Variants in TJAP1 observed in about 807,000 individuals in gnomAD.
The protein encoded by TJAP1 is tight junction associated protein 1, also known as tight junction-associated protein 1.
Under a neutral mutation model 42.0 loss-of-function variants are expected in TJAP1, and 27 were observed. The observed-to-expected ratio is 0.64, with a 90% CI of 0.47 to 0.89. The LOEUF is 0.89. Among genes scored for constraint, TJAP1 ranks in the 40% least tolerant of loss-of-function variants. The pLI is 0.00. For synonymous variants in TJAP1, 257 were observed against 288.4 expected (o/e 0.89, Z 1.10); for missense variants, 712 against 726.9 (o/e 0.98, Z 0.24).
In TJAP1 at chr6:43,497,099, A is replaced by G. The variant is rs1204326937; in HGVS notation, c.-121-782A>G. On this transcript the variant is annotated intron_variant, in intron 2 of 10. Coordinates refer to ENST00000372449, the Ensembl canonical transcript of TJAP1. Reference sequence around the variant, plus strand: ...GTTCCTCAGCCTTGGCACTCTGGATATTTTCTATTGGGAATCATTTGTGGT... The same window carrying G: ...GTTCCTCAGCCTTGGCACTCTGGATGTTTTCTATTGGGAATCATTTGTGGT... 2.6e-5 allele frequency: 4 copies of G among 152,194 alleles called. No individual in the cohort carries two copies. In the South Asian group the frequency reaches 6.2e-4, roughly 24 times the overall value. 9.4% of individuals were successfully genotyped at this position (152,194 alleles called of 1,614,324 possible).
At chr6:43,483,610 G>A (rs1255175027) in intron 2 of TJAP1, among the ~76,000 whole-genome samples, 1 of 152,230 alleles carries the variant, frequency 6.6e-6, no homozygotes, top group African/African-American at 2.4e-5. Context: ...AACATGTGGT[G>A]GAGAGGAGTC....
chr6:43,503,748 C>A, intron 10 of TJAP1, 42 bp downstream of exon 10: 1 of 1,566,790 alleles, frequency 6.4e-7, no homozygotes, highest in Non-Finnish European at 8.8e-7. Flanking sequence ...TAGACCATTC[C>A]GGCCACTGTA....
intron 2 of TJAP1, chr6:43,489,598 T>G (rs917198096): frequency 1.3e-5 from 2 of 152,350 alleles, no homozygotes; most frequent in Non-Finnish European, 2.9e-5. Flanking sequence ...TTCAGAGTCC[T>G]GGTGCAGCCT....
chr6:43,487,323 T>C (rs1235835147), intron 2 of TJAP1, among the ~76,000 whole-genome samples: 2 of 152,192 alleles, frequency 1.3e-5, no homozygotes. Flanking sequence ...AAACTCTGCT[T>C]ATCATTTTGG....
intron 3 of TJAP1, among the ~76,000 whole-genome samples, chr6:43,498,555 AG>A (rs1286805122): frequency 6.6e-6 from 1 of 152,258 alleles, no homozygotes; most frequent in Non-Finnish European, 1.5e-5. Context: ...GTCTCAAAAA[AG>A]AAAAGAAAAA....
Position 43,501,704 on chromosome 6 carries a change from C to CCAGA in TJAP1, c.290+20_290+23dup, listed in dbSNP as rs763666886. 6.2e-4 allele frequency: 395 copies of CCAGA among 639,098 alleles called. 1 individual carries two copies. The African/African-American group carries it at 8.7e-3, about 14-fold the overall frequency. 39.6% of individuals were successfully genotyped at this position (639,098 alleles called of 1,614,324 possible). A position where few individuals can be genotyped will look rare whatever the true frequency, so the allele number is the denominator to read the frequency against. ...GTTCCGCAGGTGTGGGAATGAGGGG[C>CCAGA]CAGACACACACACACACACACACAC... On this transcript the variant is annotated intron_variant, in intron 6 of 10. Coordinates refer to ENST00000372449, the Ensembl canonical transcript of TJAP1.
Position 43,505,614 on chromosome 6 carries a change from G to A in TJAP1, c.1433G>A (p.Gly478Asp), listed in dbSNP as rs757520226. 2 of 1,613,452 alleles carry A rather than the reference G, an allele frequency of 1.2e-6. No homozygotes were observed. Among genetic ancestry groups the A allele is most frequent in the South Asian group, 1.1e-5 (1 of 91,082 alleles). The change falls in exon 11 of 11, where the codon GGC (glycine) becomes GAC (aspartate). Residue 478 changes from glycine (G) to aspartate (D), a missense_variant. Transcript: ENST00000372449. The surrounding 1 kb of genome is among the most constrained non-coding windows in gnomAD (Gnocchi z 5.5). ...TTGCTACCCACAGAACCTGACTCTG[G>A]CTTTCCCAGGGAGGAAGAAGAGCTG...
At position 43,501,707 on chromosome 6, in the gene TJAP1, G is replaced by GACACACACACACACACACACACAC. The variant is rs70990192; in HGVS notation, c.290+49_290+72dup. The GACACACACACACACACACACACAC allele has an allele frequency of 7.0e-6, 4 of 571,812 alleles. No homozygotes were observed. The highest frequency in any genetic ancestry group is 1.8e-5 in the South Asian group (1 of 55,446). 35.4% of individuals were successfully genotyped at this position (571,812 alleles called of 1,614,324 possible). ...CCGCAGGTGTGGGAATGAGGGGCCAGACACACACACACACACACACACACA... is the reference window on the plus strand; with the variant it reads ...CCGCAGGTGTGGGAATGAGGGGCCAGACACACACACACACACACACACACACACACACACACACACACACACACA... On this transcript the variant is annotated intron_variant, in intron 6 of 10. Transcript: ENST00000372449.
intron 5 of TJAP1, chr6:43,500,975 A>G (rs1435963721): frequency 6.5e-6 from 4 of 614,064 alleles, no homozygotes; most frequent in African/African-American, 1.9e-5. Flanking sequence ...ATGGGCTTCA[A>G]GAGAGCGTAG....
At chr6:43,498,666 T>C (rs542140460) in intron 3 of TJAP1, among the ~76,000 whole-genome samples, 1 of 151,938 alleles carries the variant, frequency 6.6e-6, no homozygotes, top group South Asian at 2.1e-4. Flanking sequence ...CAAAGGAGAG[T>C]GGTAAGGAGG....
intron 4 of TJAP1, 116 bp downstream of exon 4, chr6:43,499,216 T>TG: frequency 1.4e-6 from 2 of 1,478,798 alleles, no homozygotes; most frequent in Non-Finnish European, 1.8e-6. Context: ...GAGTGGGCCT[T>TG]GCTGTTGCAG....
intron 2 of TJAP1, chr6:43,496,996 A>G (rs1441901341): frequency 6.6e-6 from 1 of 152,402 alleles, no homozygotes; most frequent in South Asian, 2.1e-4. Context: ...AGGGCATTAC[A>G]CAGGGCCCCA....
Position 43,505,626 on chromosome 6 carries a change from A to G in TJAP1, c.1445A>G (p.Glu482Gly), listed in dbSNP as rs1792179255. The G allele has an allele frequency of 6.2e-7, 1 of 1,613,338 alleles. No homozygotes were observed. Residue 482 changes from glutamate to glycine, a missense_variant, in exon 11 of 11, where the codon GAG becomes GGG. This residue lies in a region of TJAP1 where 549 missense variants were observed against 528.2 expected (regional missense o/e 1.04). Transcript: ENST00000372449. The surrounding 1 kb of genome is among the most constrained non-coding windows in gnomAD (Gnocchi z 5.5). Reference sequence around the variant, plus strand: ...GAACCTGACTCTGGCTTTCCCAGGGAGGAAGAAGAGCTGAACCTGCCTATC... The same window carrying G: ...GAACCTGACTCTGGCTTTCCCAGGGGGGAAGAAGAGCTGAACCTGCCTATC...
At chr6:43,481,115 AATTTTTTTTG>A (rs1785211622) in intron 2 of TJAP1, among the ~76,000 whole-genome samples, 3 of 152,128 alleles carry the variant, frequency 2.0e-5, no homozygotes, top group African/African-American at 7.2e-5. Flanking sequence ...ATTGTAGTAG[AATTTTTTTTG>A]ATTATTTAAA....
intron 8 of TJAP1, chr6:43,503,160 T>G: frequency 1.8e-6 from 1 of 558,072 alleles, no homozygotes; most frequent in Non-Finnish European, 3.2e-6. Flanking sequence ...GCTCTTATAC[T>G]GCCTGTGTCC....
chr6:43,486,266 G>T (rs1786485335), intron 2 of TJAP1, among the ~76,000 whole-genome samples: 1 of 150,944 alleles, frequency 6.6e-6, no homozygotes. Context: ...TGCTCGGCCA[G>T]ACGGTTTATG....
rs201601445 is a variant in TJAP1, at chr6:43,505,529, C to G, written c.1348C>G (p.Pro450Ala). The G allele has an allele frequency of 2.2e-5, 35 of 1,613,972 alleles. No homozygotes were observed. Among genetic ancestry groups the G allele is most frequent in the Non-Finnish European group, 2.8e-5 (33 of 1,180,046 alleles). Residue 450 changes from proline to alanine, a missense_variant, in exon 11 of 11, where the codon CCC (proline) becomes GCC (alanine). Physicochemically the swap from Pro to Ala is conservative, Grantham distance 27. Coordinates refer to ENST00000372449, the Ensembl canonical transcript of TJAP1. This position sits in a 1 kb window ranked among gnomAD's most constrained non-coding sequence, Gnocchi z 5.5. ...GCTGCAGCGCCATTTTGCCCATAGCCCCGCTGACAGAGATGAGGTGGTCCA... is the reference window on the plus strand; with the variant it reads ...GCTGCAGCGCCATTTTGCCCATAGCGCCGCTGACAGAGATGAGGTGGTCCA...
At chr6:43,502,328 G>A in exon 7 of TJAP1, 1 of 1,613,764 alleles carries the variant, frequency 6.2e-7, no homozygotes, top group African/African-American at 1.3e-5. Flanking sequence ...ACCAGGAGTT[G>A]GAGGACAAGC....
At chr6:43,502,047 GACAC>G (rs563635573) in intron 6 of TJAP1, among the ~76,000 whole-genome samples, 224 of 22,210 alleles carry the variant, frequency 0.01, 3 homozygotes, top group Middle Eastern at 0.031. Context: ...GGAATGCGGG[GACAC>G]ACACACACAC....
Sources: allele counts gnomAD v4.1 joint callset (sites outside exome capture counted in the v4.1 genomes callset), GRCh38; gene constraint gnomAD v4.1.1; regional missense constraint gnomAD v4.1.1; non-coding constraint Gnocchi (gnomAD v3.1); transcripts MANE v1.5; gene names NCBI Gene and HGNC (gene_info 2026-07-23, HGNC 2026-07-21).